The following DHX29 variants were observed in gnomAD, a reference collection of about 807,000 sequenced individuals.
DHX29 encodes the protein ATP-dependent RNA helicase DHX29.
DHX29 carries 79 observed loss-of-function variants against 167.9 expected under a neutral mutation model. The observed-to-expected ratio is 0.47, with a 90% CI of 0.39 to 0.57. The LOEUF (loss-of-function observed/expected upper bound fraction) is 0.57, where lower values mean the gene tolerates loss of function less well. Among genes scored for constraint, DHX29 ranks in the 20% least tolerant of loss-of-function variants. The pLI, the probability that DHX29 is intolerant of heterozygous loss-of-function variation, is 0.00. For synonymous variants in DHX29, 530 were observed against 546.0 expected, an observed-to-expected ratio of 0.97 and a Z score of 0.41; for missense variants, 1,347 against 1,593.4, an observed-to-expected ratio of 0.85 and a Z score of 2.63.
At chr5:55,259,738 T>G in intron 26 of DHX29, 110 bp downstream of exon 26, 2 of 590,622 alleles carry the variant, frequency 3.4e-6, no homozygotes, top group Non-Finnish European at 6.1e-6. Flanking sequence ...ATTATGGGCG[T>G]GAGCCACCGT....
rs750839636 is a variant in DHX29, at chr5:55,307,604, C to T, written c.-31G>A. 1.8e-5 allele frequency: 29 copies of T among 1,610,646 alleles called. 1 individual carries two copies. In the Admixed American group the frequency reaches 4.2e-4, roughly 23 times the overall value. On this transcript the variant is annotated 5_prime_UTR_variant, in exon 1 of 27. Transcript: ENST00000251636. Reference sequence around the variant, plus strand: ...AGCTGTGGCAGAAGATCCTTCGCGGCCCAGGCCCCGACGGTACCACTGCAC... The same window carrying T: ...AGCTGTGGCAGAAGATCCTTCGCGGTCCAGGCCCCGACGGTACCACTGCAC...
In DHX29 at chr5:55,283,957, G is replaced by A. The variant is rs570869743; in HGVS notation, c.1357-146C>T. On this transcript the variant is annotated intron_variant, in intron 10 of 26. Coordinates refer to ENST00000251636, the MANE Select transcript of DHX29 (RefSeq NM_019030.4). The stretch of plus-strand genomic sequence containing the variant: ...ACTTTAATATATGTATGTGTATGAT[G>A]CAAATTCAATTGATTAGCACTTGAT... 4.1e-5 allele frequency: 23 copies of A among 564,558 alleles called. No individual in the cohort carries two copies. In the East Asian group the frequency reaches 4.8e-4, roughly 12 times the overall value. 35.0% of individuals were successfully genotyped at this position (564,558 alleles called of 1,614,324 possible).
intron 8 of DHX29, among the ~76,000 whole-genome samples, chr5:55,286,171 G>A (rs577069851): frequency 1.3e-5 from 2 of 151,604 alleles, no homozygotes; most frequent in Admixed American, 6.6e-5. Flanking sequence ...GGAGAATGAC[G>A]TGAACCTGGG....
intron 1 of DHX29, among the ~76,000 whole-genome samples, chr5:55,302,616 G>T (rs1490905740): frequency 6.6e-6 from 1 of 151,250 alleles, no homozygotes; most frequent in Non-Finnish European, 1.5e-5. Flanking sequence ...AAAAAAACTG[G>T]TTGGTTTTTA....
chr5:55,261,711 CATTTTAAA>C (rs1746324857), intron 24 of DHX29, among the ~76,000 whole-genome samples: 1 of 152,058 alleles, frequency 6.6e-6, no homozygotes, highest in Non-Finnish European at 1.5e-5. Flanking sequence ...TATGAAAAGG[CATTTTAAA>C]TATTATTGCT....
chr5:55,307,259 G>A (rs1579834232), intron 1 of DHX29, 128 bp downstream of exon 1: 2 of 781,112 alleles, frequency 2.6e-6, no homozygotes, highest in East Asian at 2.8e-5. Flanking sequence ...CCATGGGGAG[G>A]TAGCAGCTCG....
intron 12 of DHX29, chr5:55,279,739 T>TG (rs1418817394): frequency 9.4e-6 from 1 of 106,480 alleles, no homozygotes; most frequent in East Asian, 3.6e-4. Flanking sequence ...GCTGTTTTTG[T>TG]TTTTTTTTTT....
Position 55,285,308 on chromosome 5 carries a change from A to G in DHX29, c.1341T>C (p.Arg447=), listed in dbSNP as rs1488013787. ...AAAGTCTTACCTGCCCTTTAACTAA[A>G]CGGTAAAGGGCTAAAGTAGCTCCCA... is the stretch of plus-strand genomic sequence containing the variant. ...QHLGATLALY[R]LVKGQSVHQL... The change falls in exon 10 of 27, where the codon CGT becomes CGC. Residue 447 remains arginine, a synonymous_variant. Transcript: ENST00000251636. 1 of 1,613,998 alleles carries G rather than the reference A, an allele frequency of 6.2e-7. No individual in the cohort carries two copies. The highest frequency in any genetic ancestry group is 8.5e-7 in the Non-Finnish European group (1 of 1,179,974).
At chr5:55,297,833 A>G (rs970634495) in intron 2 of DHX29, among the ~76,000 whole-genome samples, 1 of 152,262 alleles carries the variant, frequency 6.6e-6, no homozygotes, top group Admixed American at 6.5e-5. Context: ...ATATGTCGTA[A>G]TAAGCTACAC....
chr5:55,263,000 G>A, intron 23 of DHX29, 68 bp from the exon 24 acceptor site: 1 of 1,197,256 alleles, frequency 8.4e-7, no homozygotes, highest in South Asian at 1.5e-5. Context: ...TAACATTGTA[G>A]TTTATATTAC....
intron 26 of DHX29, among the ~76,000 whole-genome samples, chr5:55,258,801 C>T (rs1746171943): frequency 6.6e-6 from 1 of 152,150 alleles, no homozygotes; most frequent in South Asian, 2.1e-4. Context: ...GATCCTCCTG[C>T]CTCAGCCTTC....
At chr5:55,300,595 C>T (rs1437134575) in intron 1 of DHX29, among the ~76,000 whole-genome samples, 1 of 152,024 alleles carries the variant, frequency 6.6e-6, no homozygotes, top group Non-Finnish European at 1.5e-5. Context: ...ACTGCTTTAA[C>T]CCAGGAGGCA....
Position 55,259,936 on chromosome 5 carries a change from T to C in DHX29, c.3969A>G (p.Val1323=), listed in dbSNP as rs1554021686. The part of the protein sequence containing the change: ...IDGWIYFQAP[V]KIAVIFKQLR... The stretch of plus-strand genomic sequence containing the variant: ...GCTGCTTGAAAATGACAGCTATCTT[T>C]ACAGGGGCCTGTTAAGAGGAGTTGA... Residue 1323 remains valine (V), a synonymous_variant, in exon 26 of 27, where the codon GTA becomes GTG. Transcript: ENST00000251636. The C allele has an allele frequency of 6.2e-7, 1 of 1,605,048 alleles. No individual in the cohort carries two copies.
At chr5:55,260,981 T>G (rs915177729) in intron 25 of DHX29, among the ~76,000 whole-genome samples, 1 of 152,160 alleles carries the variant, frequency 6.6e-6, no homozygotes, top group Non-Finnish European at 1.5e-5. Context: ...TCTTGCTCTG[T>G]CAGTAACAAT....
At chr5:55,272,259 A>C (rs1428790551) in intron 17 of DHX29, 84 bp from the exon 18 acceptor site, 2 of 851,370 alleles carry the variant, frequency 2.3e-6, no homozygotes, top group African/African-American at 3.6e-5. Context: ...TGAGCTGATG[A>C]AATTTAAAAA....
intron 11 of DHX29, among the ~76,000 whole-genome samples, chr5:55,281,878 T>C (rs746106567): frequency 1.6e-4 from 24 of 151,820 alleles, no homozygotes; most frequent in Non-Finnish European, 3.4e-4. Context: ...TTCCACCTCT[T>C]GGGTTCAAGC....
Position 55,261,495 on chromosome 5 carries a change from C to T in DHX29, c.3833G>A (p.Arg1278Lys). 2 of 1,558,930 alleles carry T rather than the reference C, an allele frequency of 1.3e-6. No individual in the cohort carries two copies. Among genetic ancestry groups the T allele is most frequent in the Non-Finnish European group, 8.8e-7 (1 of 1,138,772 alleles). ...TTCTCTCAAATACACTCTGGCATAC[C>T]TTATCTACATGGGAAAAAGGGGGGA... ...HGWLLYQEKI[R>K]YARVYLRETT... The change falls in exon 25 of 27, where the codon AGG becomes AAG. Residue 1278 changes from arginine (R) to lysine (K), a missense_variant. Arg to Lys is a conservative substitution (Grantham distance 26, BLOSUM62 2). Around this residue, in one of 3 missense-constraint regions of DHX29, gnomAD observed 882 missense variants for 1,082.4 expected, o/e 0.81. Transcript: ENST00000251636.
Position 55,273,300 on chromosome 5 carries a change from A to T in DHX29, c.2768T>A (p.Val923Asp), listed in dbSNP as rs1386560006. ...TGCTGTACTAAATTTTACCTTCCTGACTCCTGGAGGGGGAAGTGTGAATGC... is the reference window on the plus strand; with the variant it reads ...TGCTGTACTAAATTTTACCTTCCTGTCTCCTGGAGGGGGAAGTGTGAATGC... The part of the protein sequence containing the change: ...AAAFTLPPPG[V>D]RKIVLATNIA... Residue 923 changes from valine to aspartate, a missense_variant, in exon 17 of 27, where the codon GTC becomes GAC. Coordinates refer to ENST00000251636, the MANE Select transcript of DHX29 (RefSeq NM_019030.4). The T allele has an allele frequency of 6.3e-7, 1 of 1,591,012 alleles. No homozygotes were observed. Among genetic ancestry groups the T allele is most frequent in the Non-Finnish European group, 8.6e-7 (1 of 1,166,408 alleles).
At chr5:55,256,649 A>C in intron 26 of DHX29, 109 bp from the exon 27 acceptor site, 2 of 893,894 alleles carry the variant, frequency 2.2e-6, no homozygotes, top group Non-Finnish European at 1.6e-6. Context: ...TTTACATTAG[A>C]ATACAGAATT....
Sources: allele counts gnomAD v4.1 joint callset (sites outside exome capture counted in the v4.1 genomes callset), GRCh38; gene constraint gnomAD v4.1.1; regional missense constraint gnomAD v4.1.1; transcripts MANE v1.5; gene names NCBI Gene and HGNC (gene_info 2026-07-23, HGNC 2026-07-21).